The following CCR3 variants were observed in gnomAD, a reference collection of about 807,000 sequenced individuals.
CCR3 encodes C-C chemokine receptor type 3.
For missense variants in CCR3, 419 were observed against 437.5 expected (o/e 0.96, Z 0.38); for synonymous variants, 203 against 179.2 (o/e 1.13, Z -1.06).
At chr3:46,241,786 ATAAT>A (rs1700089368), upstream of CCR3, among the ~76,000 whole-genome samples, 1 of 152,162 alleles carries the variant, frequency 6.6e-6, no homozygotes, top group Non-Finnish European at 1.5e-5. Flanking sequence ...ACCCTGCAGA[ATAAT>A]TAGTTTATTC....
At position 46,266,049 on chromosome 3, in the gene CCR3, C is replaced by T; in HGVS notation, c.891C>T (p.Asn297=). Residue 297 remains asparagine, a synonymous_variant, in exon 2 of 2, where the codon AAC becomes AAT. Transcript: ENST00000395940. ...TCGCCTACTCCCACTGCTGCATGAA[C>T]CCGGTGATCTACGCCTTTGTTGGAG... ...EVIAYSHCCM[N]PVIYAFVGER... is the part of the protein sequence containing the mutation. 1 of 1,614,064 alleles carries T rather than the reference C, an allele frequency of 6.2e-7. No individual in the cohort carries two copies. The highest frequency in any genetic ancestry group is 8.5e-7 in the Non-Finnish European group (1 of 1,180,018).
Position 46,246,624 on chromosome 3 carries a change from A to T in CCR3, c.-12+4086A>T, listed in dbSNP as rs540000969. Among the ~76,000 whole-genome samples the T allele has an allele frequency of 3.2e-4, 49 of 152,200 alleles. 1 individual carries two copies. Among genetic ancestry groups the T allele is most frequent in the African/African-American group, 1.2e-3 (48 of 41,512 alleles). The stretch of plus-strand genomic sequence containing the variant: ...CATCAGTTAAGGTGGGGCAGGGCAT[A>T]TTCACTTCTTTTGTGATTCTTCAGT... On this transcript the variant is annotated intron_variant, in intron 1 of 1. Transcript: ENST00000395940.
At chr3:46,230,689 G>A (rs756310744) in intron 2 of CCR3, among the ~76,000 whole-genome samples, 9 of 152,090 alleles carry the variant, frequency 5.9e-5, no homozygotes, top group East Asian at 1.9e-4. Flanking sequence ...CCCCTCTGAC[G>A]ATGTAAATGC....
Position 46,265,642 on chromosome 3 carries a change from G to A in CCR3, c.484G>A (p.Val162Met). Residue 162 changes from valine (V) to methionine (M), a missense_variant, in exon 2 of 2, where the codon GTG becomes ATG. Transcript: ENST00000395940. ...CAGCATCGTCACCTGGGGCCTGGCA[G>A]TGCTAGCAGCTCTTCCTGAATTTAT... ...ITSIVTWGLA[V>M]LAALPEFIFY... 6.2e-7 allele frequency: 1 copy of A among 1,614,134 alleles called. No homozygotes were observed. The highest frequency in any genetic ancestry group is 8.5e-7 in the Non-Finnish European group (1 of 1,179,994).
Position 46,266,028 on chromosome 3 carries a change from C to G in CCR3, c.870C>G (p.Ala290=), listed in dbSNP as rs775542097. The stretch of plus-strand genomic sequence containing the variant: ...TCATGCTGGTGACAGAGGTGATCGC[C>G]TACTCCCACTGCTGCATGAACCCGG... ...DLVMLVTEVI[A]YSHCCMNPVI... The change falls in exon 2 of 2, where the codon GCC becomes GCG. Residue 290 remains alanine (A), a synonymous_variant. Coordinates refer to ENST00000395940, the MANE Select transcript of CCR3 (RefSeq NM_178329.3). 6.2e-7 allele frequency: 1 copy of G among 1,614,068 alleles called. No homozygotes were observed. The highest frequency in any genetic ancestry group is 8.5e-7 in the Non-Finnish European group (1 of 1,180,008).
At chr3:46,238,907 CAT>C (rs1379423140), upstream of CCR3, among the ~76,000 whole-genome samples, 1 of 152,194 alleles carries the variant, frequency 6.6e-6, no homozygotes, top group African/African-American at 2.4e-5. Context: ...GCTAGAGCAA[CAT>C]AACGCAGATC....
At chr3:46,234,418 G>A (rs1700001459) in intron 2 of CCR3, among the ~76,000 whole-genome samples, 1 of 152,132 alleles carries the variant, frequency 6.6e-6, no homozygotes, top group Admixed American at 6.5e-5. Flanking sequence ...CTTGACATCT[G>A]TGAAACATCA....
chr3:46,230,234 T>C (rs1699946515), intron 2 of CCR3, among the ~76,000 whole-genome samples: 1 of 152,216 alleles, frequency 6.6e-6, no homozygotes, highest in Non-Finnish European at 1.5e-5. Context: ...TTCTTTTCTG[T>C]AATGAAGTCA....
chr3:46,243,735 C>T (rs1450124510), intron 1 of CCR3, among the ~76,000 whole-genome samples: 2 of 152,074 alleles, frequency 1.3e-5, no homozygotes, highest in African/African-American at 2.4e-5. Context: ...TGAGTTAGCT[C>T]TTCTGGGAGA....
intron 1 of CCR3, among the ~76,000 whole-genome samples, chr3:46,259,489 T>G (rs1307371038): frequency 1.3e-5 from 2 of 152,186 alleles, no homozygotes; most frequent in Non-Finnish European, 2.9e-5. Context: ...ATATCTGATA[T>G]TTAGGAAATT....
chr3:46,220,124 G>C (rs1699819592), intron 2 of CCR3, among the ~76,000 whole-genome samples: 1 of 152,088 alleles, frequency 6.6e-6, no homozygotes, highest in Non-Finnish European at 1.5e-5. Context: ...GAATTTACAA[G>C]GAACTTAAAT....
At chr3:46,222,832 C>G (rs1297842643) in intron 2 of CCR3, among the ~76,000 whole-genome samples, 2 of 152,200 alleles carry the variant, frequency 1.3e-5, no homozygotes, top group Non-Finnish European at 2.9e-5. Flanking sequence ...GTGTCTGGCA[C>G]TTGGTAAATG....
intron 1 of CCR3, among the ~76,000 whole-genome samples, chr3:46,262,803 C>T (rs569986757): frequency 3.9e-5 from 6 of 152,252 alleles, no homozygotes; most frequent in Admixed American, 2.0e-4. Context: ...CACACGTATG[C>T]GCCACCATGC....
At chr3:46,252,128 C>A (rs928388779) in intron 1 of CCR3, among the ~76,000 whole-genome samples, 2 of 151,020 alleles carry the variant, frequency 1.3e-5, no homozygotes, top group Non-Finnish European at 2.9e-5. Flanking sequence ...ATTGCAGTAG[C>A]CACATTTCAA....
chr3:46,244,663 A>T (rs1700158300), intron 1 of CCR3, among the ~76,000 whole-genome samples: 1 of 152,234 alleles, frequency 6.6e-6, no homozygotes, highest in Non-Finnish European at 1.5e-5. Flanking sequence ...GGCAAGGACC[A>T]GCCATTTTCA....
intron 2 of CCR3, among the ~76,000 whole-genome samples, chr3:46,222,072 C>T (rs1306197446): frequency 6.6e-6 from 1 of 152,220 alleles, no homozygotes; most frequent in East Asian, 1.9e-4. Context: ...GGCAGGCCTC[C>T]CAGGCTGTCC....
At chr3:46,212,159 C>T (rs79893749) in intron 2 of CCR3, among the ~76,000 whole-genome samples, 15,642 of 152,174 alleles carry the variant, frequency 0.1, 954 homozygotes, top group Non-Finnish European at 0.14. Context: ...TTAACCAAGA[C>T]GGGGCAGGGC....
chr3:46,256,094 C>G (rs1014346025), intron 1 of CCR3, among the ~76,000 whole-genome samples: 3 of 151,942 alleles, frequency 2.0e-5, no homozygotes, highest in African/African-American at 7.3e-5. Flanking sequence ...TTGTAGTTTT[C>G]CTTGCAGAGA....
upstream of CCR3, among the ~76,000 whole-genome samples, chr3:46,240,268 AAT>A (rs539465167): frequency 5.3e-5 from 8 of 152,258 alleles, no homozygotes; most frequent in South Asian, 1.7e-3. Context: ...AGATGTATAT[AAT>A]GTGTTACACA....
Sources: allele counts gnomAD v4.1 joint callset (sites outside exome capture counted in the v4.1 genomes callset), GRCh38; gene constraint gnomAD v4.1.1; transcripts MANE v1.5; gene names NCBI Gene and HGNC (gene_info 2026-07-23, HGNC 2026-07-21).